GALNTL6: variants seen among roughly 807,000 people sequenced by gnomAD.
The protein encoded by GALNTL6 is polypeptide N-acetylgalactosaminyltransferase-like 6.
A neutral mutation model predicts 73.7 loss-of-function variants in GALNTL6; 46 were observed. The ratio of observed to expected loss-of-function variants is 0.62; its 90% confidence interval spans 0.49 to 0.80. The LOEUF (loss-of-function observed/expected upper bound fraction) is 0.80, where lower values mean the gene tolerates loss of function less well. Among genes scored for constraint, GALNTL6 ranks in the 30% least tolerant of loss-of-function variants. GALNTL6 has a pLI of 0.00. For synonymous variants in GALNTL6, 259 were observed against 263.7 expected, an observed-to-expected ratio of 0.98 and a Z score of 0.17; for missense variants, 604 against 755.0, an observed-to-expected ratio of 0.80 and a Z score of 2.34.
intron 5 of GALNTL6, among the ~76,000 whole-genome samples, chr4:172,446,435 G>A (rs1732023950): frequency 6.6e-6 from 1 of 152,146 alleles, no homozygotes; most frequent in Admixed American, 6.6e-5. Context: ...TACAGAGGAG[G>A]AGATTTGAAC....
chr4:172,707,057 CTG>C (rs1411928545), intron 5 of GALNTL6, among the ~76,000 whole-genome samples: 1 of 152,106 alleles, frequency 6.6e-6, no homozygotes, highest in Admixed American at 6.6e-5. Flanking sequence ...ACACTTTTAC[CTG>C]TGTAGAAACC....
intron 5 of GALNTL6, among the ~76,000 whole-genome samples, chr4:172,516,410 T>C (rs1378513207): frequency 6.6e-6 from 1 of 152,198 alleles, no homozygotes; most frequent in Non-Finnish European, 1.5e-5. Flanking sequence ...TTTTCAATTA[T>C]TGAATCGAGT....
At chr4:172,654,737 C>T (rs1010291852) in intron 5 of GALNTL6, among the ~76,000 whole-genome samples, 11 of 152,166 alleles carry the variant, frequency 7.2e-5, no homozygotes, top group African/African-American at 2.7e-4. Context: ...GCAAACCCTT[C>T]AATCATGTTG....
chr4:172,430,861 A>T (rs923147293), intron 5 of GALNTL6, among the ~76,000 whole-genome samples: 6 of 152,118 alleles, frequency 3.9e-5, no homozygotes, highest in African/African-American at 1.4e-4. Flanking sequence ...TTATTTTATG[A>T]GTTGAAATAG....
At chr4:172,305,927 C>G (rs1004077110) in intron 3 of GALNTL6, among the ~76,000 whole-genome samples, 1 of 152,066 alleles carries the variant, frequency 6.6e-6, no homozygotes, top group Non-Finnish European at 1.5e-5. Flanking sequence ...ATAAATTTCC[C>G]TTTAATTGAC....
chr4:171,837,694 G>C (rs1354050648), intron 2 of GALNTL6, among the ~76,000 whole-genome samples: 1 of 145,750 alleles, frequency 6.9e-6, no homozygotes, highest in Non-Finnish European at 1.5e-5. Flanking sequence ...ATATTTATAT[G>C]TTATATATAT....
chr4:172,614,164 A>G (rs1431276308), intron 5 of GALNTL6, among the ~76,000 whole-genome samples: 2 of 151,892 alleles, frequency 1.3e-5, no homozygotes, highest in Admixed American at 6.6e-5. Flanking sequence ...TCTATCATCT[A>G]TCTATCTCTA....
intron 5 of GALNTL6, among the ~76,000 whole-genome samples, chr4:172,664,364 T>C (rs1490436547): frequency 6.6e-6 from 1 of 152,256 alleles, no homozygotes; most frequent in East Asian, 1.9e-4. Flanking sequence ...TTTCAGCTTG[T>C]GATTCATTTG....
intron 2 of GALNTL6, among the ~76,000 whole-genome samples, chr4:172,007,368 T>C (rs1008043745): frequency 1.3e-5 from 2 of 152,010 alleles, no homozygotes; most frequent in Non-Finnish European, 2.9e-5. Context: ...TATGGAGACA[T>C]GTATTTAGTA....
At chr4:172,448,737 C>G (rs1443760228) in intron 5 of GALNTL6, among the ~76,000 whole-genome samples, 3 of 152,060 alleles carry the variant, frequency 2.0e-5, no homozygotes, top group African/African-American at 7.2e-5. Context: ...TTTGTTTGGT[C>G]TTGGGGAGCA....
chr4:171,856,342 T>C (rs1463501365), intron 2 of GALNTL6, among the ~76,000 whole-genome samples: 1 of 151,996 alleles, frequency 6.6e-6, no homozygotes, highest in African/African-American at 2.4e-5. Flanking sequence ...CTTGAACTCC[T>C]GACCTCAGGG....
intron 2 of GALNTL6, among the ~76,000 whole-genome samples, chr4:172,112,401 C>T (rs142102499): frequency 2.4e-4 from 36 of 152,092 alleles, no homozygotes; most frequent in Middle Eastern, 3.4e-3. Flanking sequence ...AACTCCTTTG[C>T]GTAAATACCA....
chr4:173,031,014 A>AAGAG (rs10655625), intron 12 of GALNTL6, among the ~76,000 whole-genome samples: 41,763 of 148,148 alleles, frequency 0.28, 5,974 homozygotes, highest in Admixed American at 0.31. Flanking sequence ...AAGAAAAGAA[A>AAGAG]AGAGAGAGAG....
intron 2 of GALNTL6, among the ~76,000 whole-genome samples, chr4:172,003,187 A>C (rs1481207843): frequency 6.6e-6 from 1 of 151,848 alleles, no homozygotes; most frequent in African/African-American, 2.4e-5. Context: ...AATACAGACA[A>C]TTTTGCATTT....
At chr4:172,904,284 G>A (rs150121154) in intron 8 of GALNTL6, among the ~76,000 whole-genome samples, 2 of 152,266 alleles carry the variant, frequency 1.3e-5, no homozygotes, top group East Asian at 3.9e-4. Flanking sequence ...CATTCAATGT[G>A]TTTACAGAAG....
chr4:172,689,898 G>A (rs1003949691), intron 5 of GALNTL6, among the ~76,000 whole-genome samples: 3 of 151,604 alleles, frequency 2.0e-5, no homozygotes, highest in East Asian at 1.9e-4. Flanking sequence ...GCTAAAGCTC[G>A]TGATTTTTAA....
rs186539529 is a variant in GALNTL6 at position 172,145,403 on chromosome 4, G to A, written c.139-84253G>A. On this transcript the variant is annotated intron_variant, in intron 2 of 12. Transcript: ENST00000506823. ...GATCCGCCCGCCTTGGCCTCCCAAAGTGCTGGGATTATAGGCGTGTATTAT... is the reference window on the plus strand; with the variant it reads ...GATCCGCCCGCCTTGGCCTCCCAAAATGCTGGGATTATAGGCGTGTATTAT... Among the ~76,000 whole-genome samples the A allele has an allele frequency of 1.5e-3, 225 of 152,154 alleles. 1 individual carries two copies. Among genetic ancestry groups the A allele is most frequent in the African/African-American group, 5.2e-3 (214 of 41,532 alleles).
intron 5 of GALNTL6, among the ~76,000 whole-genome samples, chr4:172,499,990 C>T (rs1004727014): frequency 2.0e-5 from 3 of 151,848 alleles, no homozygotes; most frequent in Admixed American, 1.3e-4. Context: ...AGAGGGAATA[C>T]AACCAAAAAA....
At chr4:172,758,025 AAC>A (rs777916529) in intron 5 of GALNTL6, among the ~76,000 whole-genome samples, 6 of 152,114 alleles carry the variant, frequency 3.9e-5, no homozygotes, top group Non-Finnish European at 7.4e-5. Flanking sequence ...CTCCATCCTA[AAC>A]ACAACCCCAC....
Sources: gnomAD v4.1 joint callset for allele counts (sites outside exome capture counted in the v4.1 genomes callset) on GRCh38, gnomAD v4.1.1 for gene constraint, MANE v1.5 for transcripts, NCBI Gene and HGNC (gene_info 2026-07-23, HGNC 2026-07-21) for gene names.